OR2A25: variants seen among roughly 807,000 people sequenced by gnomAD.
The protein encoded by OR2A25 is olfactory receptor family 2 subfamily A member 25.
For missense variants in OR2A25, 362 were observed against 368.3 expected, an observed-to-expected ratio of 0.98 and a Z score of 0.14; for synonymous variants, 162 against 148.1, an observed-to-expected ratio of 1.09 and a Z score of -0.68.
chr7:144,075,173 A>G lies in OR2A25; in HGVS notation c.*21A>G, dbSNP rs1392588442. On this transcript the variant is annotated 3_prime_UTR_variant, in exon 2 of 2. Transcript: ENST00000641663. ...CATGAAAGCCTGAAAGAATAGTAAA[A>G]TAGCTGGCTTCAAAGGGCTTTGAGA... 2 of 1,560,490 alleles carry G rather than the reference A, an allele frequency of 1.3e-6. No individual in the cohort carries two copies. The highest frequency in any genetic ancestry group is 2.2e-5 in the East Asian group (1 of 44,600).
chr7:144,070,265 A>G (rs780918444), intron 1 of OR2A25: 2 of 152,092 alleles, frequency 1.3e-5, no homozygotes, highest in African/African-American at 2.4e-5. Context: ...TTTTCCCCCA[A>G]TAATCTTTTT....
rs200094127 is a variant in OR2A25 at position 144,074,356 on chromosome 7, G to C, written c.137G>C (p.Gly46Ala). 745 of 1,613,884 alleles carry C rather than the reference G, an allele frequency of 4.6e-4. 4 individuals carry two copies. The highest frequency in any genetic ancestry group is 1.6e-4 in the Non-Finnish European group (183 of 1,179,946). Residue 46 changes from glycine to alanine, a missense_variant, in exon 2 of 2, where the codon GGG becomes GCG. Transcript: ENST00000641663. ...CTGTTGGGGAACGGGACAATCCTGGGGCTCATCTCACTGGACTCCAGACTC... is the reference window on the plus strand; with the variant it reads ...CTGTTGGGGAACGGGACAATCCTGGCGCTCATCTCACTGGACTCCAGACTC... ...FILLGNGTIL[G>A]LISLDSRLHT...
Position 144,074,830 on chromosome 7 carries a change from C to T in OR2A25, c.611C>T (p.Ser204Phe). The T allele has an allele frequency of 6.2e-7, 1 of 1,614,184 alleles. No individual in the cohort carries two copies. Among genetic ancestry groups the T allele is most frequent in the African/African-American group, 1.3e-5 (1 of 75,046 alleles). ...GTAATGGTTTTGGCAGGGGCAGTGT[C>T]TGTGCTGGTGGGAGCCTTCTTTTCC... ...NEVMVLAGAV[S>F]VLVGAFFSTV... The change falls in exon 2 of 2, where the codon TCT becomes TTT. Residue 204 changes from serine (S) to phenylalanine (F), a missense_variant. Ser to Phe is a radical substitution (Grantham distance 155, BLOSUM62 -2). Transcript: ENST00000641663.
rs373558740 is a variant in OR2A25 at position 144,074,562 on chromosome 7, G to C, written c.343G>C (p.Val115Leu). The C allele has an allele frequency of 2.4e-5, 38 of 1,614,184 alleles. No homozygotes were observed. Among genetic ancestry groups the C allele is most frequent in the Middle Eastern group, 3.3e-4 (2 of 6,062 alleles). ...TGCACATACAGAATGTCTCCTCCTG[G>C]TGGTGATGTCCTATGATCGGTACGT... ...SFAHTECLLLVVMSYDRYVAI... is the reference protein window; with the variant it reads ...SFAHTECLLLLVMSYDRYVAI... Residue 115 changes from valine to leucine, a missense_variant, in exon 2 of 2, where the codon GTG becomes CTG. By Grantham distance (32) the Val-to-Leu change is conservative. Coordinates refer to ENST00000641663, the MANE Select transcript of OR2A25 (RefSeq NM_001386096.1).
In OR2A25 at chr7:144,074,346, A is replaced by G. The variant is rs781507350; in HGVS notation, c.127A>G (p.Thr43Ala). The change falls in exon 2 of 2, where the codon ACA becomes GCA. Residue 43 changes from threonine to alanine, a missense_variant. By Grantham distance (58) the Thr-to-Ala change is moderately conservative (BLOSUM62 0). Coordinates refer to ENST00000641663, the MANE Select transcript of OR2A25 (RefSeq NM_001386096.1). ...FYIFILLGNGTILGLISLDSR... is the reference protein window; with the variant it reads ...FYIFILLGNGAILGLISLDSR... The stretch of plus-strand genomic sequence containing the variant: ...CATCTTCATTCTGTTGGGGAACGGG[A>G]CAATCCTGGGGCTCATCTCACTGGA... 2 of 1,613,972 alleles carry G rather than the reference A, an allele frequency of 1.2e-6. No homozygotes were observed. Among genetic ancestry groups the G allele is most frequent in the Admixed American group, 1.7e-5 (1 of 60,002 alleles).
chr7:144,069,858 G>T lies in OR2A25; in HGVS notation c.-43G>T, dbSNP rs1037998936. 6.6e-6 allele frequency: 1 copy of T among 152,088 alleles called. No homozygotes were observed. Among genetic ancestry groups the T allele is most frequent in the Non-Finnish European group, 1.5e-5 (1 of 67,968 alleles). The allele number at this position is 152,088 out of a possible 1,614,324, so 9.4% of individuals were successfully genotyped here. A position where few individuals can be genotyped will look rare whatever the true frequency, so the allele number is the denominator to read the frequency against. On this transcript the variant is annotated 5_prime_UTR_variant, in exon 1 of 2. Coordinates refer to ENST00000641663, the MANE Select transcript of OR2A25 (RefSeq NM_001386096.1). The stretch of plus-strand genomic sequence containing the variant: ...TATTTGGAAGGTTGAATCTATATGA[G>T]TTCCACCTGCCCTAAAAACAAGTGA...
intron 1 of OR2A25, among the ~76,000 whole-genome samples, chr7:144,073,441 T>C (rs916230069): frequency 7.9e-5 from 12 of 151,796 alleles, no homozygotes; most frequent in African/African-American, 2.7e-4. Context: ...AAATAAATAA[T>C]ATAAATACAC....
At chr7:144,073,969 A>T (rs2961134) in intron 1 of OR2A25, among the ~76,000 whole-genome samples, 49,714 of 152,040 alleles carry the variant, frequency 0.33, 8,900 homozygotes, top group African/African-American at 0.45. Flanking sequence ...CTGTAACGAA[A>T]GTAGATTTGA....
intron 1 of OR2A25, 65 bp downstream of exon 1, chr7:144,069,961 T>C (rs187124674): frequency 9.9e-5 from 15 of 152,092 alleles, no homozygotes; most frequent in Non-Finnish European, 1.8e-4. Context: ...CTGTAATGTA[T>C]GAAGAGGTCC....
At position 144,074,704 on chromosome 7, in the gene OR2A25, T is replaced by C; in HGVS notation, c.485T>C (p.Leu162Pro). ...TTGGCCCTTGTCCATCTAGTGTTACTGCTACCACTGTCCTTCTGTGGACCC... is the reference window on the plus strand; with the variant it reads ...TTGGCCCTTGTCCATCTAGTGTTACCGCTACCACTGTCCTTCTGTGGACCC... Reference protein sequence around the residue: ...VLLALVHLVLLLPLSFCGPQK... With the variant: ...VLLALVHLVLPLPLSFCGPQK... Residue 162 changes from leucine to proline, a missense_variant, in exon 2 of 2, where the codon CTG (leucine) becomes CCG (proline). Coordinates refer to ENST00000641663, the MANE Select transcript of OR2A25 (RefSeq NM_001386096.1). 1 of 1,614,196 alleles carries C rather than the reference T, an allele frequency of 6.2e-7. No homozygotes were observed. Among genetic ancestry groups the C allele is most frequent in the South Asian group, 1.1e-5 (1 of 91,082 alleles).
At position 144,075,176 on chromosome 7, in the gene OR2A25, G is replaced by C. The variant is rs761838801; in HGVS notation, c.*24G>C. On this transcript the variant is annotated 3_prime_UTR_variant, in exon 2 of 2. Coordinates refer to ENST00000641663, the MANE Select transcript of OR2A25 (RefSeq NM_001386096.1). Reference sequence around the variant, plus strand: ...GAAAGCCTGAAAGAATAGTAAAATAGCTGGCTTCAAAGGGCTTTGAGATTA... The same window carrying C: ...GAAAGCCTGAAAGAATAGTAAAATACCTGGCTTCAAAGGGCTTTGAGATTA... 5.1e-6 allele frequency: 8 copies of C among 1,554,606 alleles called. No individual in the cohort carries two copies. Among genetic ancestry groups the C allele is most frequent in the Non-Finnish European group, 7.0e-6 (8 of 1,138,476 alleles).
In OR2A25 at chr7:144,074,819, A is replaced by C. The variant is rs2051098967; in HGVS notation, c.600A>C (p.Ala200=). ...DTHINEVMVL[A]GAVSVLVGAF... The stretch of plus-strand genomic sequence containing the variant: ...ACATTAATGAGGTAATGGTTTTGGC[A>C]GGGGCAGTGTCTGTGCTGGTGGGAG... The change falls in exon 2 of 2, where the codon GCA becomes GCC. Residue 200 remains alanine, a synonymous_variant. Coordinates refer to ENST00000641663, the MANE Select transcript of OR2A25 (RefSeq NM_001386096.1). The C allele has an allele frequency of 6.2e-7, 1 of 1,614,014 alleles. No individual in the cohort carries two copies.
chr7:144,071,577 T>C (rs1021134831), intron 1 of OR2A25, among the ~76,000 whole-genome samples: 1 of 152,114 alleles, frequency 6.6e-6, no homozygotes, highest in Non-Finnish European at 1.5e-5. Flanking sequence ...AATAGTCTTA[T>C]CAATCCAACC....
chr7:144,070,966 A>AAATCCAATTACATTCTTTAATGTGAATGT (rs1175123277), intron 1 of OR2A25, among the ~76,000 whole-genome samples: 22 of 152,132 alleles, frequency 1.4e-4, no homozygotes, highest in East Asian at 5.8e-4. Context: ...AAGTTACAAA[A>AAATCCAATTACATTCTTTAATGTGAATGT]AATCCAATTA....
intron 1 of OR2A25, 95 bp from the exon 2 acceptor site, chr7:144,074,121 T>C: frequency 8.8e-7 from 1 of 1,142,256 alleles, no homozygotes; most frequent in Non-Finnish European, 1.3e-6. Context: ...GGTGTTTTCT[T>C]AGAAAACACT....
chr7:144,071,000 C>T (rs1230295768), intron 1 of OR2A25, among the ~76,000 whole-genome samples: 1 of 151,882 alleles, frequency 6.6e-6, no homozygotes, highest in Non-Finnish European at 1.5e-5. Context: ...GAATGTAATC[C>T]AATTACATTC....
Position 144,074,241 on chromosome 7 carries a change from A to G in OR2A25, c.22A>G (p.Ile8Val). The G allele has an allele frequency of 6.2e-7, 1 of 1,613,800 alleles. No homozygotes were observed. Among genetic ancestry groups the G allele is most frequent in the Non-Finnish European group, 8.5e-7 (1 of 1,179,786 alleles). ...GGAAATGGGGGGAAATCAGACTTCCATCACAGAGTTCCTCCTACTGGGATT... is the reference window on the plus strand; with the variant it reads ...GGAAATGGGGGGAAATCAGACTTCCGTCACAGAGTTCCTCCTACTGGGATT... Reference protein sequence around the residue: MGGNQTSITEFLLLGFPI... With the variant: MGGNQTSVTEFLLLGFPI... The change falls in exon 2 of 2, where the codon ATC becomes GTC. Residue 8 changes from isoleucine (I) to valine (V), a missense_variant. Physicochemically the swap from Ile to Val is conservative, Grantham distance 29. Transcript: ENST00000641663.
intron 1 of OR2A25, among the ~76,000 whole-genome samples, chr7:144,073,986 G>T (rs905677481): frequency 6.6e-6 from 1 of 151,998 alleles, no homozygotes; most frequent in Non-Finnish European, 1.5e-5. Context: ...TTGAAAATAA[G>T]ATGTAATGAA....
chr7:144,074,478 C>A lies in OR2A25; in HGVS notation c.259C>A (p.Pro87Thr), dbSNP rs914391109. 1.4e-5 allele frequency: 23 copies of A among 1,614,080 alleles called. No homozygotes were observed. Among genetic ancestry groups the A allele is most frequent in the Non-Finnish European group, 1.9e-5 (23 of 1,180,036 alleles). Residue 87 changes from proline (P) to threonine (T), a missense_variant, in exon 2 of 2, where the codon CCA becomes ACA. Transcript: ENST00000641663. ...VPQMLVNLLH[P>T]AKPISFAGCM... is the part of the protein sequence containing the mutation. ...CCAGATGCTGGTGAACCTCCTGCAT[C>A]CAGCCAAGCCCATCTCCTTTGCTGG...
Sources: allele counts gnomAD v4.1 joint callset (sites outside exome capture counted in the v4.1 genomes callset), GRCh38; gene constraint gnomAD v4.1.1; transcripts MANE v1.5; gene names NCBI Gene and HGNC (gene_info 2026-07-23, HGNC 2026-07-21).